ANXA13: variants seen among roughly 807,000 people sequenced by gnomAD.
ANXA13 encodes the protein annexin XIII.
In ANXA13, 36 loss-of-function variants were observed where a neutral mutation model predicts 46.6. The observed-to-expected ratio is 0.77, with a 90% confidence interval of 0.59 to 1.02. The LOEUF is 1.02. ANXA13 is among the 50% of genes least tolerant of loss of function. The pLI, the probability that ANXA13 is intolerant of heterozygous loss-of-function variation, is 0.00. For synonymous variants in ANXA13, 163 were observed against 152.9 expected, an observed-to-expected ratio of 1.07 and a Z score of -0.49; for missense variants, 417 against 396.5, an observed-to-expected ratio of 1.05 and a Z score of -0.44.
chr8:123,697,867 G>A (rs765991968), intron 4 of ANXA13, among the ~76,000 whole-genome samples: 2 of 152,206 alleles, frequency 1.3e-5, no homozygotes, highest in African/African-American at 2.4e-5. Flanking sequence ...GGCATGTGCC[G>A]AGTGACATCC....
At chr8:123,691,924 C>T (rs1374296717) in intron 8 of ANXA13, among the ~76,000 whole-genome samples, 1 of 152,064 alleles carries the variant, frequency 6.6e-6, no homozygotes, top group East Asian at 1.9e-4. Flanking sequence ...CTGTGGGCTC[C>T]GTAGTGTGGG....
At chr8:123,684,782 G>T (rs755427431) in intron 9 of ANXA13, 60 bp from the exon 10 acceptor site, 1 of 1,311,994 alleles carries the variant, frequency 7.6e-7, no homozygotes, top group Admixed American at 1.7e-5. Flanking sequence ...ATGACCTTGG[G>T]ACCCCCCTAA....
chr8:123,694,377 C>T (rs914257096), intron 6 of ANXA13, among the ~76,000 whole-genome samples: 12 of 152,118 alleles, frequency 7.9e-5, no homozygotes, highest in African/African-American at 2.4e-4. Flanking sequence ...TATCCTTGGC[C>T]GGCCTGACCC....
rs1396586519 is a variant in ANXA13 at position 123,693,184 on chromosome 8, C to T, written c.642+13G>A. On this transcript the variant is annotated intron_variant, in intron 8 of 10. Coordinates refer to ENST00000419625, the MANE Select transcript of ANXA13 (RefSeq NM_004306.4). Reference sequence around the variant, plus strand: ...CAGAGTGAACTCTTTTGCCCCAATACTTTATGACTTACAATTTGATAGGCT... The same window carrying T: ...CAGAGTGAACTCTTTTGCCCCAATATTTTATGACTTACAATTTGATAGGCT... The T allele has an allele frequency of 1.2e-6, 2 of 1,611,974 alleles. 1 individual carries two copies. Among genetic ancestry groups the T allele is most frequent in the South Asian group, 2.2e-5 (2 of 91,012 alleles).
At chr8:123,736,986 C>G (rs1437804089) in intron 1 of ANXA13, among the ~76,000 whole-genome samples, 5 of 150,990 alleles carry the variant, frequency 3.3e-5, no homozygotes, top group African/African-American at 7.3e-5. Flanking sequence ...GTAGCTGGGA[C>G]TACAGGCATG....
At chr8:123,735,707 C>T in intron 1 of ANXA13, 2 of 1,539,626 alleles carry the variant, frequency 1.3e-6, no homozygotes, top group Non-Finnish European at 1.8e-6. Context: ...GGCCCCATGA[C>T]AGAGCAGGGG....
At chr8:123,720,742 T>C (rs1265467089) in intron 1 of ANXA13, among the ~76,000 whole-genome samples, 1 of 147,510 alleles carries the variant, frequency 6.8e-6, no homozygotes, top group Non-Finnish European at 1.5e-5. Context: ...AAACAAATAA[T>C]ACTTTATATT....
chr8:123,689,514 T>C (rs967937968), intron 8 of ANXA13, among the ~76,000 whole-genome samples: 1 of 152,060 alleles, frequency 6.6e-6, no homozygotes, highest in Non-Finnish European at 1.5e-5. Context: ...AGAGGGTGGG[T>C]CTGCAAGGGC....
chr8:123,697,242 A>T (rs1813356649), intron 4 of ANXA13, among the ~76,000 whole-genome samples: 1 of 152,124 alleles, frequency 6.6e-6, no homozygotes, highest in South Asian at 2.1e-4. Flanking sequence ...TAACCTTTTC[A>T]CAAAGGCAGG....
chr8:123,735,787 A>G, intron 1 of ANXA13: 1 of 1,612,520 alleles, frequency 6.2e-7, no homozygotes, highest in South Asian at 1.1e-5. Context: ...CCATTCCGTG[A>G]TGGGTGGCTG....
intron 1 of ANXA13, chr8:123,735,744 A>T: frequency 6.2e-7 from 1 of 1,606,134 alleles, no homozygotes. Context: ...GGGGGAAAAT[A>T]AAGTGCTTAC....
intron 8 of ANXA13, among the ~76,000 whole-genome samples, chr8:123,691,668 T>C (rs1311876812): frequency 1.3e-5 from 2 of 152,234 alleles, no homozygotes; most frequent in African/African-American, 4.8e-5. Context: ...AGCCTAAAGC[T>C]GACTTCTTAA....
chr8:123,693,541 C>CA (rs1411048218), intron 7 of ANXA13, among the ~76,000 whole-genome samples, 170 bp downstream of exon 7: 1 of 152,102 alleles, frequency 6.6e-6, no homozygotes, highest in Non-Finnish European at 1.5e-5. Flanking sequence ...GAATAGGAAC[C>CA]ATTCATTTAG....
At chr8:123,710,757 C>G (rs3779979) in intron 2 of ANXA13, among the ~76,000 whole-genome samples, 44,956 of 151,828 alleles carry the variant, frequency 0.3, 7,534 homozygotes, top group South Asian at 0.47. Context: ...CTTAAAATGT[C>G]AGGTCATCAG....
chr8:123,727,446 G>T lies in ANXA13; in HGVS notation c.15+9874C>A, dbSNP rs16898803. Among the ~76,000 whole-genome samples, 69 of 152,282 alleles carry T rather than the reference G, an allele frequency of 4.5e-4. No homozygotes were observed. In the East Asian group the frequency reaches 6.6e-3, roughly 14 times the overall value. On this transcript the variant is annotated intron_variant, in intron 1 of 10. Transcript: ENST00000419625. ...AGACATTCTGAGGACATCTGCCCTGGAGCCTTGTTTTCCCATTTAAGCGGT... is the reference window on the plus strand; with the variant it reads ...AGACATTCTGAGGACATCTGCCCTGTAGCCTTGTTTTCCCATTTAAGCGGT...
Position 123,690,119 on chromosome 8 carries a change from G to T in ANXA13, c.643-1173C>A, listed in dbSNP as rs1813207375. ...CCAGTCTTTTTTGGGTTTGATGTGG[G>T]AGTCATTATTTTGGAAGGGATTGGT... On this transcript the variant is annotated intron_variant, in intron 8 of 10. Transcript: ENST00000419625. The surrounding 1 kb of genome is among the most constrained non-coding windows in gnomAD (Gnocchi z 4.6). 6.6e-6 allele frequency among the ~76,000 whole-genome samples: 1 copy of T among 152,102 alleles called. No homozygotes were observed. The highest frequency in any genetic ancestry group is 6.6e-5 in the Admixed American group (1 of 15,266).
At chr8:123,706,675 C>T (rs1813546519) in intron 2 of ANXA13, among the ~76,000 whole-genome samples, 1 of 152,250 alleles carries the variant, frequency 6.6e-6, no homozygotes, top group African/African-American at 2.4e-5. Flanking sequence ...CCCAGAACAA[C>T]CGTTCTGAAG....
intron 1 of ANXA13, among the ~76,000 whole-genome samples, chr8:123,718,965 G>C (rs764582936): frequency 1.3e-5 from 2 of 152,218 alleles, no homozygotes; most frequent in Non-Finnish European, 2.9e-5. Context: ...AATGCCTTCT[G>C]TCCCAGTCCA....
intron 1 of ANXA13, among the ~76,000 whole-genome samples, chr8:123,725,032 C>G (rs1044251692): frequency 6.6e-6 from 1 of 152,152 alleles, no homozygotes; most frequent in Non-Finnish European, 1.5e-5. Flanking sequence ...TAAACAGGTC[C>G]TTTTTTAGTC....
Sources: allele counts gnomAD v4.1 joint callset (sites outside exome capture counted in the v4.1 genomes callset), GRCh38; gene constraint gnomAD v4.1.1; non-coding constraint Gnocchi (gnomAD v3.1); transcripts MANE v1.5; gene names NCBI Gene and HGNC (gene_info 2026-07-23, HGNC 2026-07-21).